The following CALN1 variants were observed in gnomAD, a reference collection of about 807,000 sequenced individuals.
CALN1 encodes calcium-binding protein 8.
CALN1 carries 17 observed loss-of-function variants against 30.6 expected under a neutral mutation model. That is an observed-to-expected ratio of 0.56 (90% confidence interval 0.38 to 0.83). CALN1 has a LOEUF of 0.83. Among genes scored for constraint, CALN1 ranks in the 40% least tolerant of loss-of-function variants. The pLI is 0.00. For synonymous variants in CALN1, 156 were observed against 131.4 expected (o/e 1.19, Z -1.28); for missense variants, 291 against 354.9 (o/e 0.82, Z 1.45).
At chr7:72,165,596 CAACAAACA>C (rs546087993) in intron 3 of CALN1, among the ~76,000 whole-genome samples, 1 of 151,778 alleles carries the variant, frequency 6.6e-6, no homozygotes, top group African/African-American at 2.4e-5. Flanking sequence ...TCTCCAACAA[CAACAAACA>C]AACAAACAAG....
chr7:72,054,482 T>TATATATACAC (rs1563015680), intron 4 of CALN1, among the ~76,000 whole-genome samples: 8 of 40,898 alleles, frequency 2.0e-4, no homozygotes, highest in Non-Finnish European at 3.6e-4. Flanking sequence ...TATACATACA[T>TATATATACAC]ATATATATAC....
At chr7:72,329,646 T>C (rs754858256) in intron 2 of CALN1, among the ~76,000 whole-genome samples, 2 of 152,212 alleles carry the variant, frequency 1.3e-5, no homozygotes, top group Non-Finnish European at 2.9e-5. Flanking sequence ...TCAGCCTAAA[T>C]AGAGCTCATC....
chr7:72,416,886 A>T (rs1301292697), upstream of CALN1, among the ~76,000 whole-genome samples: 1 of 152,094 alleles, frequency 6.6e-6, no homozygotes, highest in African/African-American at 2.4e-5. Flanking sequence ...GGGCTGGGCT[A>T]GGCCAGGAGG....
chr7:71,932,834 A>C lies in CALN1; in HGVS notation c.501+90823T>G, dbSNP rs567557441. The stretch of plus-strand genomic sequence containing the variant: ...CCATCTCAAAAAAAAAAAAAAAAAG[A>C]GAAGTGTATGTTAGAATCTAGGGGG... On this transcript the variant is annotated intron_variant, in intron 5 of 6. Coordinates refer to ENST00000395275, the MANE Select transcript of CALN1 (RefSeq NM_031468.4). Among the ~76,000 whole-genome samples the C allele has an allele frequency of 2.0e-5, 3 of 149,710 alleles. No homozygotes were observed. In the East Asian group the frequency reaches 6.0e-4, roughly 30 times the overall value.
At chr7:72,197,682 T>G (rs1268418617) in intron 3 of CALN1, among the ~76,000 whole-genome samples, 1 of 151,734 alleles carries the variant, frequency 6.6e-6, no homozygotes, top group Non-Finnish European at 1.5e-5. Context: ...AATAAATAAA[T>G]AAATAAACAA....
intron 5 of CALN1, among the ~76,000 whole-genome samples, chr7:71,826,151 G>A (rs2116365873): frequency 6.6e-6 from 1 of 151,638 alleles, no homozygotes; most frequent in Middle Eastern, 3.4e-3. Flanking sequence ...TTGGTATGGA[G>A]AGACAGGAGG....
At chr7:72,280,852 G>A (rs1388254178) in intron 2 of CALN1, among the ~76,000 whole-genome samples, 3 of 152,122 alleles carry the variant, frequency 2.0e-5, no homozygotes, top group Non-Finnish European at 2.9e-5. Flanking sequence ...CTTATAAAAG[G>A]ATGAGTTCAG....
intron 5 of CALN1, among the ~76,000 whole-genome samples, chr7:71,931,745 T>C (rs932490221): frequency 6.6e-6 from 1 of 152,204 alleles, no homozygotes; most frequent in African/African-American, 2.4e-5. Flanking sequence ...ACAGGGATTC[T>C]CTTTGAGGAG....
At chr7:72,092,918 G>T (rs1253264255) in intron 4 of CALN1, among the ~76,000 whole-genome samples, 1 of 152,150 alleles carries the variant, frequency 6.6e-6, no homozygotes, top group African/African-American at 2.4e-5. Context: ...ACTCTTGAGT[G>T]AGGATGTCAC....
chr7:72,118,395 C>T (rs1490727104), intron 3 of CALN1, among the ~76,000 whole-genome samples: 5 of 152,150 alleles, frequency 3.3e-5, no homozygotes, highest in Non-Finnish European at 5.9e-5. Flanking sequence ...AATTCTACTA[C>T]TCAGGTCATG....
intron 3 of CALN1, among the ~76,000 whole-genome samples, chr7:72,229,741 A>G (rs1793946816): frequency 6.6e-6 from 1 of 151,936 alleles, no homozygotes. Flanking sequence ...ATGAGAACAC[A>G]TGGACACAGG....
intron 4 of CALN1, among the ~76,000 whole-genome samples, chr7:72,029,547 A>C (rs1801304274): frequency 1.3e-5 from 2 of 152,114 alleles, no homozygotes; most frequent in African/African-American, 2.4e-5. Context: ...CACCAGAAAC[A>C]CCAAACCATG....
chr7:72,292,091 G>C (rs1260192659), intron 2 of CALN1, among the ~76,000 whole-genome samples: 1 of 151,520 alleles, frequency 6.6e-6, no homozygotes, highest in African/African-American at 2.4e-5. Flanking sequence ...GGTTGTACAA[G>C]AATAATTGCA....
chr7:72,115,339 C>T (rs1419979697), intron 3 of CALN1, among the ~76,000 whole-genome samples: 2 of 147,508 alleles, frequency 1.4e-5, no homozygotes, highest in Non-Finnish European at 3.0e-5. Context: ...ATCATCTCCA[C>T]CTGGATTTTT....
intron 3 of CALN1, among the ~76,000 whole-genome samples, chr7:72,257,305 T>C (rs1795980338): frequency 1.3e-5 from 2 of 152,112 alleles, no homozygotes; most frequent in Admixed American, 1.3e-4. Flanking sequence ...GAGGTTTGGG[T>C]GGGGATACAG....
At chr7:72,336,645 G>A (rs1182670815) in intron 2 of CALN1, 54 of 968,948 alleles carry the variant, frequency 5.6e-5, no homozygotes, top group African/African-American at 2.5e-4. Context: ...CGAGGACCGA[G>A]GGAAGAAGAA....
intron 3 of CALN1, among the ~76,000 whole-genome samples, chr7:72,225,351 T>C (rs1230690997): frequency 6.6e-6 from 1 of 152,016 alleles, no homozygotes; most frequent in South Asian, 2.1e-4. Context: ...TTCGGTTCTT[T>C]TTCCAACTGA....
Position 72,191,060 on chromosome 7 carries a change from C to G in CALN1, c.245-84766G>C, listed in dbSNP as rs531558596. Among the ~76,000 whole-genome samples, 215 of 152,160 alleles carry G rather than the reference C, an allele frequency of 1.4e-3. 5 individuals are homozygous for G. The highest frequency in any genetic ancestry group is 2.9e-4 in the Non-Finnish European group (20 of 68,038). On this transcript the variant is annotated intron_variant, in intron 3 of 6. Coordinates refer to ENST00000395275, the MANE Select transcript of CALN1 (RefSeq NM_031468.4). ...AACCAGGCATGAAAAATGGCCAAGA[C>G]GTAGTTACTGCTTTTGTGCAAGTCA...
rs1190747200 is a variant in CALN1 at position 71,780,826 on chromosome 7, C to T, written c.*6949G>A. ...ATCTGCCATTGTTTCCTCCAACTTTCTCCTGAATTCTGATTCACATGACCT... is the reference window on the plus strand; with the variant it reads ...ATCTGCCATTGTTTCCTCCAACTTTTTCCTGAATTCTGATTCACATGACCT... On this transcript the variant is annotated 3_prime_UTR_variant, in exon 7 of 7. Coordinates refer to ENST00000395275, the MANE Select transcript of CALN1 (RefSeq NM_031468.4). 6.6e-6 allele frequency: 1 copy of T among 152,196 alleles called. No individual in the cohort carries two copies. The highest frequency in any genetic ancestry group is 2.4e-5 in the African/African-American group (1 of 41,456). 9.4% of individuals were successfully genotyped at this position (152,196 alleles called of 1,614,324 possible).
Sources: allele counts gnomAD v4.1 joint callset (sites outside exome capture counted in the v4.1 genomes callset), GRCh38; gene constraint gnomAD v4.1.1; transcripts MANE v1.5; gene names NCBI Gene and HGNC (gene_info 2026-07-23, HGNC 2026-07-21).